Variants in ACBD6 observed in about 807,000 individuals in gnomAD.
ACBD6 encodes the protein acyl-CoA binding domain containing 6, also known as acyl-CoA-binding domain-containing protein 6.
ACBD6 carries 28 observed loss-of-function variants against 37.2 expected under a neutral mutation model. The ratio of observed to expected loss-of-function variants is 0.75; its 90% CI spans 0.56 to 1.03. The LOEUF (loss-of-function observed/expected upper bound fraction) is 1.03, where lower values mean the gene tolerates loss of function less well. ACBD6 is among the 50% of genes least tolerant of loss of function. ACBD6 has a pLI of 0.00. For missense variants in ACBD6, 340 were observed against 337.4 expected, an observed-to-expected ratio of 1.01 and a Z score of -0.06; for synonymous variants, 113 against 126.8, an observed-to-expected ratio of 0.89 and a Z score of 0.73.
intron 5 of ACBD6, 85 bp downstream of exon 5, chr1:180,413,281 G>T: frequency 1.0e-6 from 1 of 982,282 alleles, no homozygotes; most frequent in Non-Finnish European, 1.6e-6. Context: ...TTGAGTTGTA[G>T]TTCATTGGCC....
chr1:180,414,897 T>A (rs2101974595), intron 4 of ACBD6, among the ~76,000 whole-genome samples: 1 of 152,254 alleles, frequency 6.6e-6, no homozygotes, highest in Admixed American at 6.5e-5. Context: ...AAGAGAATTC[T>A]GATTTTAGAA....
intron 3 of ACBD6, among the ~76,000 whole-genome samples, chr1:180,486,179 T>C (rs1651256311): frequency 6.6e-6 from 1 of 152,180 alleles, no homozygotes; most frequent in Non-Finnish European, 1.5e-5. Context: ...CTCTATCCCC[T>C]GACAACAATC....
At chr1:180,406,625 G>A (rs1408743526) in intron 5 of ACBD6, among the ~76,000 whole-genome samples, 2 of 151,826 alleles carry the variant, frequency 1.3e-5, no homozygotes, top group Non-Finnish European at 2.9e-5. Context: ...AGTGAATAAT[G>A]TATTTATTTC....
intron 3 of ACBD6, among the ~76,000 whole-genome samples, chr1:180,454,799 G>A (rs1649851669): frequency 6.6e-6 from 1 of 152,160 alleles, no homozygotes; most frequent in Middle Eastern, 3.2e-3. Flanking sequence ...TTAGAGAAAT[G>A]CAAATCAAAA....
At chr1:180,382,005 A>T (rs566848571) in intron 6 of ACBD6, among the ~76,000 whole-genome samples, 1 of 151,444 alleles carries the variant, frequency 6.6e-6, no homozygotes, top group East Asian at 2.0e-4. Context: ...GCTACCAGGG[A>T]GGCTGAGGCT....
chr1:180,277,879 G>GC (rs1398215062), intron 9 of ACBD6: 2 of 149,972 alleles, frequency 1.3e-5, no homozygotes, highest in Non-Finnish European at 3.0e-5. Context: ...ACTTTTTTTG[G>GC]GGGGGGGCAG....
At chr1:180,496,197 TAAG>T (rs1651734018) in intron 1 of ACBD6, among the ~76,000 whole-genome samples, 2 of 152,190 alleles carry the variant, frequency 1.3e-5, no homozygotes, top group Admixed American at 6.5e-5. Context: ...AAATTTTCAT[TAAG>T]AATAAGCATA....
chr1:180,490,939 T>C (rs188963612), intron 3 of ACBD6, among the ~76,000 whole-genome samples: 103 of 131,838 alleles, frequency 7.8e-4, no homozygotes, highest in African/African-American at 2.3e-3. Flanking sequence ...GTCTGAGTGA[T>C]AGAGTGAGAC....
At chr1:180,315,118 G>A (rs1031849370) in intron 6 of ACBD6, among the ~76,000 whole-genome samples, 11 of 151,898 alleles carry the variant, frequency 7.2e-5, no homozygotes, top group African/African-American at 2.7e-4. Context: ...TCTATCTAGC[G>A]ATTCTGTGAT....
At chr1:180,414,931 G>A (rs951523162) in intron 4 of ACBD6, among the ~76,000 whole-genome samples, 1 of 152,012 alleles carries the variant, frequency 6.6e-6, no homozygotes, top group Admixed American at 6.6e-5. Context: ...ATAATACCAC[G>A]TTAGCCATAT....
chr1:180,378,019 GT>G (rs965329665), intron 6 of ACBD6, among the ~76,000 whole-genome samples: 22 of 151,562 alleles, frequency 1.5e-4, no homozygotes, highest in Non-Finnish European at 2.9e-4. Flanking sequence ...TTTGCATAGT[GT>G]TCAAGTATCT....
At chr1:180,349,678 G>A (rs1242935581) in intron 6 of ACBD6, among the ~76,000 whole-genome samples, 1 of 151,968 alleles carries the variant, frequency 6.6e-6, no homozygotes, top group African/African-American at 2.4e-5. Context: ...ATTAAAGATG[G>A]GCTTTGTTAG....
chr1:180,447,694 G>T (rs1007338710), intron 3 of ACBD6, among the ~76,000 whole-genome samples: 1 of 152,018 alleles, frequency 6.6e-6, no homozygotes, highest in African/African-American at 2.4e-5. Context: ...CTTGAATATA[G>T]TATTTATCAT....
intron 5 of ACBD6, among the ~76,000 whole-genome samples, chr1:180,411,989 T>C (rs974049940): frequency 6.6e-6 from 1 of 152,040 alleles, no homozygotes; most frequent in Non-Finnish European, 1.5e-5. Flanking sequence ...AACTTTTATG[T>C]GCACTGGGAA....
chr1:180,371,032 CTTTAT>C (rs1214407697), intron 6 of ACBD6, among the ~76,000 whole-genome samples: 2 of 151,778 alleles, frequency 1.3e-5, no homozygotes, highest in African/African-American at 2.4e-5. Flanking sequence ...ATTTTTTTCA[CTTTAT>C]TTTGACAAAC....
At chr1:180,380,852 G>A (rs1365721638) in intron 6 of ACBD6, among the ~76,000 whole-genome samples, 1 of 152,068 alleles carries the variant, frequency 6.6e-6, no homozygotes, top group Admixed American at 6.6e-5. Flanking sequence ...AAAATGGTAG[G>A]AATAAGCTCT....
intron 3 of ACBD6, among the ~76,000 whole-genome samples, chr1:180,482,731 C>A (rs1168560350): frequency 6.6e-6 from 1 of 152,104 alleles, no homozygotes; most frequent in African/African-American, 2.4e-5. Flanking sequence ...ATATATCAGA[C>A]AAACGTTCAA....
intron 3 of ACBD6, among the ~76,000 whole-genome samples, chr1:180,459,596 T>G (rs1650051542): frequency 6.6e-6 from 1 of 152,230 alleles, no homozygotes; most frequent in Admixed American, 6.5e-5. Flanking sequence ...TTTCCCACAT[T>G]CATTTTAGTT....
exon 10 of ACBD6, chr1:180,275,123 T>C (rs1365576127): frequency 1.3e-5 from 2 of 152,336 alleles, no homozygotes; most frequent in African/African-American, 2.4e-5. Context: ...TGATGGCCAG[T>C]TTGATATTAA....
Sources: allele counts gnomAD v4.1 joint callset (sites outside exome capture counted in the v4.1 genomes callset), GRCh38; gene constraint gnomAD v4.1.1; transcripts MANE v1.5; gene names NCBI Gene and HGNC (gene_info 2026-07-23, HGNC 2026-07-21).